Variants in GFRA1 observed in about 807,000 individuals in gnomAD.
GFRA1 encodes GDNF family receptor alpha 1.
In GFRA1, 16 loss-of-function variants were observed where a neutral mutation model predicts 51.6. The ratio of observed to expected loss-of-function variants is 0.31; its 90% CI spans 0.21 to 0.47. The LOEUF (loss-of-function observed/expected upper bound fraction) is 0.47, where lower values mean the gene tolerates loss of function less well. Among genes scored for constraint, GFRA1 ranks in the 20% least tolerant of loss-of-function variants. The pLI is 1.00. For synonymous variants in GFRA1, 270 were observed against 241.3 expected, an observed-to-expected ratio of 1.12 and a Z score of -1.10; for missense variants, 530 against 594.3, an observed-to-expected ratio of 0.89 and a Z score of 1.13.
chr10:116,270,704 T>A (rs1431404293), intron 3 of GFRA1, 118 bp downstream of exon 3: 4 of 816,928 alleles, frequency 4.9e-6, no homozygotes, highest in Non-Finnish European at 8.0e-6. Context: ...CAAGGAAAGG[T>A]CCTCACTCTG....
chr10:116,255,245 C>T (rs969651505), intron 4 of GFRA1, among the ~76,000 whole-genome samples: 2 of 152,134 alleles, frequency 1.3e-5, no homozygotes, highest in African/African-American at 4.8e-5. Context: ...AAGCTGCACC[C>T]GCTTAATTGT....
chr10:116,097,399 G>A (rs1956645469), intron 6 of GFRA1, among the ~76,000 whole-genome samples: 2 of 152,186 alleles, frequency 1.3e-5, no homozygotes, highest in African/African-American at 4.8e-5. Context: ...TGGGCCTGTG[G>A]TCAAGGCTGT....
At chr10:116,195,531 G>C (rs1244368832) in intron 5 of GFRA1, among the ~76,000 whole-genome samples, 1 of 152,170 alleles carries the variant, frequency 6.6e-6, no homozygotes, top group East Asian at 1.9e-4. Flanking sequence ...TCATAATCGG[G>C]TTCATGCTCT....
intron 5 of GFRA1, among the ~76,000 whole-genome samples, chr10:116,148,117 T>C (rs1438546571): frequency 5.5e-5 from 6 of 108,492 alleles, no homozygotes; most frequent in African/African-American, 1.6e-4. Context: ...TGGGTGTGTG[T>C]GCATGTGTGT....
chr10:116,255,262 T>C (rs1968736512), intron 4 of GFRA1, among the ~76,000 whole-genome samples: 1 of 152,208 alleles, frequency 6.6e-6, no homozygotes, highest in African/African-American at 2.4e-5. Flanking sequence ...TTGTGATGCA[T>C]TAAGTATATG....
intron 5 of GFRA1, among the ~76,000 whole-genome samples, chr10:116,178,299 C>CGGGG (rs112208045): frequency 1.3e-4 from 18 of 138,976 alleles, no homozygotes; most frequent in African/African-American, 4.7e-4. Flanking sequence ...CACAAGGGGC[C>CGGGG]GGGGGGGCGT....
chr10:116,203,164 AACC>A (rs1964473517), intron 5 of GFRA1, among the ~76,000 whole-genome samples: 1 of 152,196 alleles, frequency 6.6e-6, no homozygotes, highest in African/African-American at 2.4e-5. Context: ...CATATTACCA[AACC>A]TACTGTCAAG....
intron 5 of GFRA1, among the ~76,000 whole-genome samples, chr10:116,195,272 C>T (rs2134347709): frequency 6.6e-6 from 1 of 152,294 alleles, no homozygotes; most frequent in African/African-American, 2.4e-5. Context: ...GCTTTCACAG[C>T]CAGACTGAGA....
intron 5 of GFRA1, among the ~76,000 whole-genome samples, chr10:116,127,770 T>G (rs1957937254): frequency 1.3e-5 from 2 of 152,200 alleles, no homozygotes; most frequent in Admixed American, 1.3e-4. Context: ...TTCTAACATT[T>G]TGCTATTGAG....
At position 116,096,760 on chromosome 10, in the gene GFRA1, G is replaced by A. The variant is rs779258432; in HGVS notation, c.775C>T (p.Arg259Cys). 6.9e-6 allele frequency: 11 copies of A among 1,584,550 alleles called. No individual in the cohort carries two copies. The highest frequency in any genetic ancestry group is 3.3e-5 in the Admixed American group (2 of 59,836). ...SCKTNYICRS[R>C]LADFFTNCQP... is the part of the protein sequence containing the mutation. ...CAGTTGGTAAAAAAATCCGCAAGGCGAGATCTACAATAGGAAAAAAGGGGT... is the reference window on the plus strand; with the variant it reads ...CAGTTGGTAAAAAAATCCGCAAGGCAAGATCTACAATAGGAAAAAAGGGGT... The change falls in exon 7 of 11, where the codon CGC becomes TGC. Residue 259 changes from arginine to cysteine, a missense_variant. Arg to Cys is a radical substitution (Grantham distance 180). Transcript: ENST00000355422.
intron 4 of GFRA1, among the ~76,000 whole-genome samples, chr10:116,269,101 G>A (rs1362374639): frequency 6.6e-6 from 1 of 152,126 alleles, no homozygotes; most frequent in Non-Finnish European, 1.5e-5. Flanking sequence ...GTCTTGTAAA[G>A]TAAGTGGCAT....
chr10:116,195,207 A>G (rs1313123174), intron 5 of GFRA1, among the ~76,000 whole-genome samples: 1 of 152,204 alleles, frequency 6.6e-6, no homozygotes, highest in African/African-American at 2.4e-5. Flanking sequence ...ACCTTCACAA[A>G]GAACTCCCTT....
At chr10:116,229,378 A>T (rs1966540438) in intron 4 of GFRA1, among the ~76,000 whole-genome samples, 1 of 152,216 alleles carries the variant, frequency 6.6e-6, no homozygotes, top group Non-Finnish European at 1.5e-5. Flanking sequence ...CTAAGATGAG[A>T]CTGCAAGTAC....
chr10:116,274,421 C>A (rs1398513695), upstream of GFRA1, among the ~76,000 whole-genome samples: 1 of 152,140 alleles, frequency 6.6e-6, no homozygotes, highest in African/African-American at 2.4e-5. Context: ...TCATTTTGAT[C>A]GAGGGGGGTA....
intron 6 of GFRA1, among the ~76,000 whole-genome samples, chr10:116,114,230 G>A (rs1180023777): frequency 6.6e-6 from 1 of 152,276 alleles, no homozygotes; most frequent in East Asian, 1.9e-4. Flanking sequence ...GGCTGCCAGA[G>A]GGCTCCCACT....
intron 4 of GFRA1, among the ~76,000 whole-genome samples, chr10:116,234,499 C>T (rs181942774): frequency 4.1e-4 from 62 of 152,326 alleles, no homozygotes; most frequent in Non-Finnish European, 2.9e-4. Flanking sequence ...TCATTTGGAT[C>T]CAATTTAGCC....
intron 5 of GFRA1, among the ~76,000 whole-genome samples, chr10:116,169,902 C>A (rs1960861480): frequency 6.6e-6 from 1 of 152,190 alleles, no homozygotes; most frequent in Non-Finnish European, 1.5e-5. Context: ...GATTGTAACA[C>A]ACACCCTCTG....
In GFRA1 at chr10:116,125,784, A is replaced by T. The variant is rs186070286; in HGVS notation, c.434-227T>A. On this transcript the variant is annotated intron_variant, in intron 5 of 10. Coordinates refer to ENST00000355422, the MANE Select transcript of GFRA1 (RefSeq NM_005264.8). ...AAGCCCCTAATATTCCCACAGATGTAGAATTAGGAGGCGCTAGGTGAGGCC... is the reference window on the plus strand; with the variant it reads ...AAGCCCCTAATATTCCCACAGATGTTGAATTAGGAGGCGCTAGGTGAGGCC... Among the ~76,000 whole-genome samples the T allele has an allele frequency of 3.7e-3, 564 of 152,366 alleles. 3 individuals carry two copies. The highest frequency in any genetic ancestry group is 0.01 in the South Asian group (50 of 4,828).
chr10:116,148,372 T>A (rs1958923231), intron 5 of GFRA1, among the ~76,000 whole-genome samples: 1 of 152,060 alleles, frequency 6.6e-6, no homozygotes, highest in South Asian at 2.1e-4. Flanking sequence ...TGATTGAGGG[T>A]GAAGACTCTC....
Sources: allele counts gnomAD v4.1 joint callset (sites outside exome capture counted in the v4.1 genomes callset), GRCh38; gene constraint gnomAD v4.1.1; transcripts MANE v1.5; gene names NCBI Gene and HGNC (gene_info 2026-07-23, HGNC 2026-07-21).